Variants in CSMD3 observed in about 807,000 individuals in gnomAD.
CSMD3 encodes the protein CUB and Sushi multiple domains 3.
In CSMD3, 177 loss-of-function variants were observed where a neutral mutation model predicts 435.2. The observed-to-expected ratio is 0.41, with a 90% confidence interval of 0.36 to 0.46. CSMD3 has a LOEUF of 0.46. Ranked by LOEUF, CSMD3 falls within the 20% of genes least tolerant of loss-of-function variation. The probability of loss-of-function intolerance (pLI) is 0.34; values close to 1 mark genes in which losing one functional copy is unlikely to be tolerated. For synonymous variants in CSMD3, 1,656 were observed against 1,520.5 expected (o/e 1.09, Z -2.07); for missense variants, 4,265 against 4,504.6 (o/e 0.95, Z 1.52).
intron 9 of CSMD3, among the ~76,000 whole-genome samples, chr8:112,941,048 T>C (rs1371157187): frequency 6.6e-6 from 1 of 151,692 alleles, no homozygotes; most frequent in Non-Finnish European, 1.5e-5. Context: ...TTGGGTACTA[T>C]AATGAAGGAA....
At chr8:113,369,670 G>A (rs1401883530) in intron 1 of CSMD3, among the ~76,000 whole-genome samples, 2 of 151,778 alleles carry the variant, frequency 1.3e-5, no homozygotes, top group African/African-American at 4.8e-5. Flanking sequence ...TCCATCAACA[G>A]ACAAATAGAT....
At chr8:113,035,078 A>G (rs1179564566) in intron 5 of CSMD3, among the ~76,000 whole-genome samples, 3 of 152,054 alleles carry the variant, frequency 2.0e-5, no homozygotes, top group Non-Finnish European at 4.4e-5. Context: ...AAGAGAGAAA[A>G]AAGAAAACAA....
intron 16 of CSMD3, among the ~76,000 whole-genome samples, chr8:112,681,341 C>T (rs552153637): frequency 9.2e-5 from 14 of 151,658 alleles, no homozygotes; most frequent in African/African-American, 3.4e-4. Flanking sequence ...CGTGAGCCAC[C>T]GTGCCCAGCC....
chr8:112,552,651 T>C lies in CSMD3; in HGVS notation c.4304A>G (p.Tyr1435Cys). Residue 1435 changes from tyrosine (Y) to cysteine (C), a missense_variant, in exon 26 of 71, where the codon TAT becomes TGT. By Grantham distance (194) the Tyr-to-Cys change is radical. Coordinates refer to ENST00000297405, the MANE Select transcript of CSMD3 (RefSeq NM_198123.2). ...CCACATGCAACGCAGGTTATTGTCATATGGAAAAGGATAGCCAGGAGATAA... is the reference window on the plus strand; with the variant it reads ...CCACATGCAACGCAGGTTATTGTCACATGGAAAAGGATAGCCAGGAGATAA... ...RILSPGYPFP[Y>C]DNNLRCMWMI... is the part of the protein sequence containing the mutation. 1.2e-6 allele frequency: 2 copies of C among 1,612,306 alleles called. No individual in the cohort carries two copies. The highest frequency in any genetic ancestry group is 8.5e-7 in the Non-Finnish European group (1 of 1,178,886).
chr8:113,227,872 T>C (rs939178351), intron 3 of CSMD3, among the ~76,000 whole-genome samples: 2 of 151,634 alleles, frequency 1.3e-5, no homozygotes, highest in African/African-American at 2.4e-5. Flanking sequence ...GAAACACTCA[T>C]AGAGTGCTAG....
intron 32 of CSMD3, among the ~76,000 whole-genome samples, chr8:112,431,002 T>C (rs1375524565): frequency 6.6e-6 from 1 of 152,020 alleles, no homozygotes; most frequent in African/African-American, 2.4e-5. Context: ...CTCTGACTAG[T>C]TGTGCAAGCT....
At chr8:112,555,799 T>G (rs1266331483) in intron 25 of CSMD3, among the ~76,000 whole-genome samples, 1 of 151,988 alleles carries the variant, frequency 6.6e-6, no homozygotes, top group Non-Finnish European at 1.5e-5. Flanking sequence ...GACAGAAATA[T>G]TCTACTTTTG....
chr8:113,140,495 G>T (rs2091522293), intron 4 of CSMD3, among the ~76,000 whole-genome samples: 1 of 150,824 alleles, frequency 6.6e-6, no homozygotes, highest in African/African-American at 2.4e-5. Context: ...TGCCAAGGTA[G>T]ATCATATTCT....
chr8:113,373,768 A>G (rs1403836424), intron 1 of CSMD3, among the ~76,000 whole-genome samples: 1 of 152,114 alleles, frequency 6.6e-6, no homozygotes, highest in African/African-American at 2.4e-5. Context: ...TGAAGTTGCT[A>G]AAAGAGCTGA....
intron 31 of CSMD3, among the ~76,000 whole-genome samples, chr8:112,481,251 T>A (rs1437201544): frequency 1.3e-5 from 2 of 152,086 alleles, no homozygotes; most frequent in Non-Finnish European, 2.9e-5. Context: ...AGAAGAAACT[T>A]ATCACTGAGT....
intron 3 of CSMD3, among the ~76,000 whole-genome samples, chr8:113,232,845 C>A (rs1321587917): frequency 6.6e-6 from 1 of 151,770 alleles, no homozygotes; most frequent in Non-Finnish European, 1.5e-5. Flanking sequence ...GTTAACTCTA[C>A]TGTAAGTGTT....
chr8:112,618,637 T>C (rs1270485445), intron 22 of CSMD3, among the ~76,000 whole-genome samples: 2 of 150,506 alleles, frequency 1.3e-5, no homozygotes, highest in Non-Finnish European at 3.0e-5. Context: ...CATCATGGAG[T>C]ATAGACACAG....
intron 3 of CSMD3, among the ~76,000 whole-genome samples, chr8:113,217,721 T>C (rs998764973): frequency 6.6e-6 from 1 of 151,386 alleles, no homozygotes; most frequent in Non-Finnish European, 1.5e-5. Context: ...TGTAGAGGAA[T>C]ATCAAGAGGT....
chr8:112,253,298 ACAC>A (rs1188232055), intron 63 of CSMD3, among the ~76,000 whole-genome samples: 1 of 151,976 alleles, frequency 6.6e-6, no homozygotes, highest in Non-Finnish European at 1.5e-5. Flanking sequence ...TTCTCTAAAA[ACAC>A]CAATATAATG....
intron 1 of CSMD3, among the ~76,000 whole-genome samples, chr8:113,433,777 A>T (rs957395871): frequency 2.6e-5 from 4 of 152,180 alleles, no homozygotes; most frequent in African/African-American, 7.2e-5. Context: ...ACGCTTAAGC[A>T]CGACTTGGAG....
chr8:112,366,800 T>A (rs973660392), intron 38 of CSMD3, among the ~76,000 whole-genome samples: 2 of 152,160 alleles, frequency 1.3e-5, no homozygotes, highest in African/African-American at 4.8e-5. Flanking sequence ...AAGTTAATAA[T>A]GTAAAAAAGA....
At chr8:112,698,023 C>T (rs1051359019) in intron 13 of CSMD3, among the ~76,000 whole-genome samples, 5 of 152,106 alleles carry the variant, frequency 3.3e-5, no homozygotes, top group Admixed American at 1.3e-4. Flanking sequence ...AGTTAGGTGG[C>T]AGTGGCAGTG....
Position 112,490,404 on chromosome 8 carries a change from C to G in CSMD3, c.5278+2085G>C, listed in dbSNP as rs535814755. ...GTGATCCTATAAAATGGTTTTGGCT[C>G]AAAAGGATTTTTAAAAAAATATTAT... On this transcript the variant is annotated intron_variant, in intron 31 of 70. Transcript: ENST00000297405. 4.6e-5 allele frequency among the ~76,000 whole-genome samples: 7 copies of G among 152,044 alleles called. No individual in the cohort carries two copies. The South Asian group carries it at 1.3e-3, about 27-fold the overall frequency.
chr8:112,582,711 C>A (rs4313186), intron 23 of CSMD3, among the ~76,000 whole-genome samples: 25 of 151,834 alleles, frequency 1.6e-4, no homozygotes, highest in African/African-American at 5.8e-4. Context: ...TTGTGTCCCC[C>A]CAAATTTGTA....
Sources: gnomAD v4.1 joint callset for allele counts (sites outside exome capture counted in the v4.1 genomes callset) on GRCh38, gnomAD v4.1.1 for gene constraint, MANE v1.5 for transcripts, NCBI Gene and HGNC (gene_info 2026-07-23, HGNC 2026-07-21) for gene names.